VAV2: variants seen among roughly 807,000 people sequenced by gnomAD.
VAV2 encodes the protein vav guanine nucleotide exchange factor 2.
Under a neutral mutation model 132.5 loss-of-function variants are expected in VAV2, and 67 were observed. The observed-to-expected ratio is 0.51, with a 90% CI of 0.42 to 0.62. VAV2 has a LOEUF of 0.62. Ranked by LOEUF, VAV2 falls within the 20% of genes least tolerant of loss-of-function variation. The pLI is 0.00. For missense variants in VAV2, 938 were observed against 1,153.6 expected (o/e 0.81, Z 2.71); for synonymous variants, 492 against 443.5 (o/e 1.11, Z -1.37).
Position 133,788,531 on chromosome 9 carries a change from T to A in VAV2, c.1275-45A>T, listed in dbSNP as rs572462168. The A allele has an allele frequency of 6.3e-7, 1 of 1,579,992 alleles. No individual in the cohort carries two copies. The highest frequency in any genetic ancestry group is 2.3e-5 in the East Asian group (1 of 43,876). ...GGGGGATCAGCACCCCAGCACTGTGTGCTCTGCTCCGAGGAGGCGGCAGGA... is the reference window on the plus strand; with the variant it reads ...GGGGGATCAGCACCCCAGCACTGTGAGCTCTGCTCCGAGGAGGCGGCAGGA... On this transcript the variant is annotated intron_variant, in intron 14 of 29. Transcript: ENST00000371850. This position sits in a 1 kb window ranked among gnomAD's most constrained non-coding sequence, Gnocchi z 5.3.
In VAV2 at chr9:133,935,102, C is replaced by T. The variant is rs1840856990; in HGVS notation, c.321+4001G>A. ...TGTTCTGGGGAGAAACAGCTGCCACCCCCGTCCTGGGCAGGCCAAGGGTGG... is the reference window on the plus strand; with the variant it reads ...TGTTCTGGGGAGAAACAGCTGCCACTCCCGTCCTGGGCAGGCCAAGGGTGG... On this transcript the variant is annotated intron_variant, in intron 2 of 29. Transcript: ENST00000371850. This position sits in a 1 kb window ranked among gnomAD's most constrained non-coding sequence, Gnocchi z 5.2. 6.6e-6 allele frequency among the ~76,000 whole-genome samples: 1 copy of T among 151,968 alleles called. No homozygotes were observed. Among genetic ancestry groups the T allele is most frequent in the African/African-American group, 2.4e-5 (1 of 41,364 alleles).
intron 1 of VAV2, among the ~76,000 whole-genome samples, chr9:133,959,905 T>C (rs998562614): frequency 6.6e-6 from 1 of 152,190 alleles, no homozygotes; most frequent in Non-Finnish European, 1.5e-5. Context: ...GCAGCCCTGA[T>C]GTCCCTGAGA....
intron 3 of VAV2, among the ~76,000 whole-genome samples, chr9:133,837,561 C>A (rs1304486468): frequency 1.3e-5 from 2 of 151,816 alleles, no homozygotes; most frequent in Non-Finnish European, 2.9e-5. Flanking sequence ...TAGCCGGGCG[C>A]GGTGGTGGGC....
At chr9:133,776,147 G>C (rs1456855246) in intron 23 of VAV2, 67 bp from the exon 24 acceptor site, 5 of 1,581,068 alleles carry the variant, frequency 3.2e-6, no homozygotes, top group African/African-American at 1.3e-5. Flanking sequence ...CTCAGAGGGG[G>C]TCATTGTCAG....
chr9:133,982,207 A>C (rs1200987862), intron 1 of VAV2, among the ~76,000 whole-genome samples: 1 of 152,202 alleles, frequency 6.6e-6, no homozygotes, highest in African/African-American at 2.4e-5. Flanking sequence ...AGGCACAGGA[A>C]GGTGGCCAGT....
chr9:133,927,811 T>C (rs1840533058), intron 2 of VAV2: 1 of 152,250 alleles, frequency 6.6e-6, no homozygotes, highest in African/African-American at 2.4e-5. Flanking sequence ...ACCACTGGCA[T>C]GGAGATCAAG....
At chr9:133,796,399 C>A in intron 11 of VAV2, 30 bp downstream of exon 11, 1 of 1,598,566 alleles carries the variant, frequency 6.3e-7, no homozygotes. Flanking sequence ...CAGTGATGAC[C>A]CCGCAGGCAC....
intron 4 of VAV2, among the ~76,000 whole-genome samples, chr9:133,825,821 G>A (rs1048763361): frequency 6.6e-6 from 1 of 152,126 alleles, no homozygotes; most frequent in Middle Eastern, 3.2e-3. Flanking sequence ...CTCCCAGGTC[G>A]CCGCCAGCAG....
At chr9:133,939,017 CT>C in intron 2 of VAV2, 85 bp downstream of exon 2, 7 of 1,253,070 alleles carry the variant, frequency 5.6e-6, no homozygotes, top group Non-Finnish European at 8.2e-6. Flanking sequence ...AATCAGGCTG[CT>C]CCATGGATCT....
At chr9:133,924,831 G>A (rs1282616244) in intron 2 of VAV2, among the ~76,000 whole-genome samples, 1 of 152,240 alleles carries the variant, frequency 6.6e-6, no homozygotes, top group East Asian at 1.9e-4. Flanking sequence ...TCCACCAACA[G>A]GTGCATAGAT....
At position 133,794,704 on chromosome 9, in the gene VAV2, T is replaced by TG. The variant is rs968870651; in HGVS notation, c.1101+963dup. ...TCCTGTGCTCCCGACGAGGGAGATG[T>TG]GGGGGGGGTCGTCATCCCTCCACCC... On this transcript the variant is annotated intron_variant, in intron 12 of 29. Transcript: ENST00000371850. The surrounding 1 kb of genome is among the most constrained non-coding windows in gnomAD (Gnocchi z 4.6). 1.3e-4 allele frequency among the ~76,000 whole-genome samples: 19 copies of TG among 151,720 alleles called. No homozygotes were observed. The highest frequency in any genetic ancestry group is 2.1e-4 in the South Asian group (1 of 4,792).
intron 4 of VAV2, among the ~76,000 whole-genome samples, chr9:133,818,365 CA>C (rs34171114): frequency 0.33 from 32,799 of 99,622 alleles, 4,320 homozygotes; most frequent in African/African-American, 0.47. Flanking sequence ...GACTCCATCT[CA>C]AAAAAAAAAA....
intron 3 of VAV2, among the ~76,000 whole-genome samples, chr9:133,854,022 G>GCA (rs200935097): frequency 1.5e-4 from 23 of 151,872 alleles, no homozygotes; most frequent in Admixed American, 7.9e-4. Flanking sequence ...ACACACGTGT[G>GCA]CACACACACA....
At position 133,787,255 on chromosome 9, in the gene VAV2, G is replaced by A. The variant is rs751143251; in HGVS notation, c.1413C>T (p.His471=). The change falls in exon 16 of 30, where the codon CAC becomes CAT. Residue 471 remains histidine (H), a synonymous_variant. Coordinates refer to ENST00000371850, the MANE Select transcript of VAV2 (RefSeq NM_001134398.2). ...PMNNKDVKKS[H]GKMWSYGFYL... ...GGCGCTAGGTGCTTACCATTTTCCC[G>A]TGAGACTAGGAAGCATGGAGAGGAG... 37 of 1,587,346 alleles carry A rather than the reference G, an allele frequency of 2.3e-5. No individual in the cohort carries two copies. In the East Asian group the frequency reaches 2.7e-4, roughly 12 times the overall value.
In VAV2 at chr9:133,797,752, G is replaced by A. The variant is rs1189308670; in HGVS notation, c.894C>T (p.Asn298=). ...SHMEHAQNTL[N]QLLASREDFR... is the part of the protein sequence containing the mutation. ...AGTCCTCCCGGCTGGCCAGGAGCTG[G>A]TTCAGTGTGTTCTGGGCGTGCTCCA... Residue 298 remains asparagine (N), a synonymous_variant, in exon 10 of 30, where the codon AAC becomes AAT. Coordinates refer to ENST00000371850, the MANE Select transcript of VAV2 (RefSeq NM_001134398.2). 4 of 1,614,106 alleles carry A rather than the reference G, an allele frequency of 2.5e-6. No individual in the cohort carries two copies. The highest frequency in any genetic ancestry group is 3.4e-6 in the Non-Finnish European group (4 of 1,179,996).
At chr9:133,902,637 C>T (rs1444320553) in intron 2 of VAV2, among the ~76,000 whole-genome samples, 3 of 152,054 alleles carry the variant, frequency 2.0e-5, no homozygotes, top group African/African-American at 4.8e-5. Context: ...GAACTGTGTC[C>T]CCTCAAAAAA....
At position 133,877,978 on chromosome 9, in the gene VAV2, C is replaced by T. The variant is rs551736449; in HGVS notation, c.322-16546G>A. Among the ~76,000 whole-genome samples the T allele has an allele frequency of 4.9e-4, 75 of 152,352 alleles. 1 individual carries two copies. The South Asian group carries it at 0.013, about 27-fold the overall frequency. On this transcript the variant is annotated intron_variant, in intron 2 of 29. Coordinates refer to ENST00000371850, the MANE Select transcript of VAV2 (RefSeq NM_001134398.2). ...CACCTGCTCCTGCTCTGAACTCCCG[C>T]AGGAGTGCCTGGAAGGGCCTGGGAA...
chr9:133,837,526 G>A lies in VAV2; in HGVS notation c.381-3186C>T, dbSNP rs549380086. Among the ~76,000 whole-genome samples, 10 of 152,044 alleles carry A rather than the reference G, an allele frequency of 6.6e-5. No homozygotes were observed. The South Asian group carries it at 8.3e-4, about 13-fold the overall frequency. On this transcript the variant is annotated intron_variant, in intron 3 of 29. Coordinates refer to ENST00000371850, the MANE Select transcript of VAV2 (RefSeq NM_001134398.2). Reference sequence around the variant, plus strand: ...AACCTGACCAATACGGTGAAACCCCGTCTCTACTAAAAATACAAAAAAATT... The same window carrying A: ...AACCTGACCAATACGGTGAAACCCCATCTCTACTAAAAATACAAAAAAATT...
In VAV2 at chr9:133,768,333, G is replaced by T; in HGVS notation, c.2589+109C>A. The stretch of plus-strand genomic sequence containing the variant: ...ATGAGGGAGATTGCAGAGGGTGTCT[G>T]GAACAGGGCCTGGGGTGTGGACATA... On this transcript the variant is annotated intron_variant, in intron 29 of 29. Coordinates refer to ENST00000371850, the MANE Select transcript of VAV2 (RefSeq NM_001134398.2). The surrounding 1 kb of genome is among the most constrained non-coding windows in gnomAD (Gnocchi z 5.3). 1.4e-6 allele frequency: 2 copies of T among 1,445,120 alleles called. No homozygotes were observed. The highest frequency in any genetic ancestry group is 1.9e-6 in the Non-Finnish European group (2 of 1,080,812). The allele number at this position is 1,445,120 out of a possible 1,614,324, so 89.5% of individuals were successfully genotyped here.
Sources: allele counts gnomAD v4.1 joint callset (sites outside exome capture counted in the v4.1 genomes callset), GRCh38; gene constraint gnomAD v4.1.1; non-coding constraint Gnocchi (gnomAD v3.1); transcripts MANE v1.5; gene names NCBI Gene and HGNC (gene_info 2026-07-23, HGNC 2026-07-21).